The following UNC79 variants were observed in gnomAD, a reference collection of about 807,000 sequenced individuals.
UNC79 encodes the protein unc-79 subunit of NALCN channel complex, also known as protein unc-79 homolog.
Under a neutral mutation model 283.1 loss-of-function variants are expected in UNC79, and 37 were observed. That is an observed-to-expected ratio of 0.13 (90% CI 0.10 to 0.17). The LOEUF (loss-of-function observed/expected upper bound fraction) is 0.17, where lower values mean the gene tolerates loss of function less well. UNC79 is among the 10% of genes least tolerant of loss of function. The pLI is 1.00. For missense variants in UNC79, 2,272 were observed against 3,211.1 expected, an observed-to-expected ratio of 0.71 and a Z score of 7.07; for synonymous variants, 1,107 against 1,200.2, an observed-to-expected ratio of 0.92 and a Z score of 1.61.
intron 1 of UNC79, among the ~76,000 whole-genome samples, chr14:93,415,432 T>C (rs541639553): frequency 5.3e-5 from 8 of 152,366 alleles, no homozygotes; most frequent in African/African-American, 1.9e-4. Flanking sequence ...AGTATTTTAT[T>C]GAGGATTTTT....
chr14:93,365,571 A>G (rs188811769), intron 1 of UNC79, among the ~76,000 whole-genome samples: 32 of 152,308 alleles, frequency 2.1e-4, no homozygotes, highest in Admixed American at 3.9e-4. Context: ...ACAATGGAAC[A>G]TCCTTGACTA....
exon 5 of UNC79, chr14:93,487,710 G>A (rs1325600902): frequency 1.2e-6 from 2 of 1,613,888 alleles, no homozygotes; most frequent in South Asian, 2.2e-5. Context: ...TAACCTCTCT[G>A]CATCATCCAT....
At chr14:93,696,174 T>G (rs2075108419) in intron 47 of UNC79, among the ~76,000 whole-genome samples, 1 of 152,218 alleles carries the variant, frequency 6.6e-6, no homozygotes, top group Non-Finnish European at 1.5e-5. Flanking sequence ...AGTAGTCCAT[T>G]GTATGAATAT....
chr14:93,594,344 A>T (rs1441989100), intron 23 of UNC79, among the ~76,000 whole-genome samples: 1 of 152,026 alleles, frequency 6.6e-6, no homozygotes, highest in African/African-American at 2.4e-5. Flanking sequence ...ATCTCGGCTC[A>T]CTGCAACCTC....
At chr14:93,609,346 A>G (rs2066128874) in intron 26 of UNC79, among the ~76,000 whole-genome samples, 1 of 152,194 alleles carries the variant, frequency 6.6e-6, no homozygotes, top group Non-Finnish European at 1.5e-5. Context: ...GTGAAATAAT[A>G]GGAGATAAGT....
chr14:93,404,511 T>TATATATATATATATATATATAA lies in UNC79; in HGVS notation c.-350-63157_-350-63156insTATATATATATATATATAAATA, dbSNP rs1342806157. Among the ~76,000 whole-genome samples the TATATATATATATATATATATAA allele has an allele frequency of 3.6e-3, 421 of 117,068 alleles. 5 individuals carry two copies. Among genetic ancestry groups the TATATATATATATATATATATAA allele is most frequent in the Middle Eastern group, 0.013 (3 of 232 alleles). 76.8% of individuals were successfully genotyped at this position (117,068 alleles called of 152,430 possible). On this transcript the variant is annotated intron_variant, in intron 1 of 49. Transcript: ENST00000256339. ...TAAAAAAAATATATATATATATATATATAAATATATACATATTATATATTA... is the reference window on the plus strand; with the variant it reads ...TAAAAAAAATATATATATATATATATATATATATATATATATATATAAATAAATATATACATATTATATATTA...
chr14:93,592,417 A>G (rs2064761892), intron 22 of UNC79, among the ~76,000 whole-genome samples: 1 of 151,928 alleles, frequency 6.6e-6, no homozygotes, highest in South Asian at 2.1e-4. Context: ...CTTGTGATCC[A>G]CCTGCCTCAG....
chr14:93,410,334 A>G lies in UNC79; in HGVS notation c.-350-57337A>G, dbSNP rs555669340. On this transcript the variant is annotated intron_variant, in intron 1 of 49. Transcript: ENST00000256339. ...AACTTTAGTTCTGGCAAGTCTTGCC[A>G]CCTAGGGATGGAGTGCTCTGGGACC... Among the ~76,000 whole-genome samples, 5 of 152,324 alleles carry G rather than the reference A, an allele frequency of 3.3e-5. No homozygotes were observed. The South Asian group carries it at 1.0e-3, about 32-fold the overall frequency.
chr14:93,621,905 A>G lies in UNC79; in HGVS notation c.4672A>G (p.Asn1558Asp), dbSNP rs758866401. 3.7e-6 allele frequency: 6 copies of G among 1,614,022 alleles called. No individual in the cohort carries two copies. The highest frequency in any genetic ancestry group is 1.3e-5 in the African/African-American group (1 of 74,906). ...ACAGAACTCTGCTACGAGGCCTGAC[A>G]ATAGTGAAATCCCCGAGAACCCAGC... Residue 1558 changes from asparagine (N) to aspartate (D), a missense_variant, in exon 30 of 49, where the codon AAT becomes GAT. Around this residue, in one of 11 missense-constraint regions of UNC79, gnomAD observed 580 missense variants for 632.2 expected, o/e 0.92. Transcript: ENST00000555664. The surrounding 1 kb of genome is among the most constrained non-coding windows in gnomAD (Gnocchi z 4.8).
chr14:93,347,332 C>CT, intron 1 of UNC79: 1 of 1,601,764 alleles, frequency 6.2e-7, no homozygotes, highest in African/African-American at 1.3e-5. Context: ...CCTGCTCGGC[C>CT]TGCAGCCCGC....
intron 14 of UNC79, among the ~76,000 whole-genome samples, chr14:93,559,469 T>C (rs772913989): frequency 3.9e-5 from 6 of 152,144 alleles, no homozygotes; most frequent in Non-Finnish European, 7.3e-5. Flanking sequence ...TGGGTGCAGG[T>C]GGGCTGAGTC....
Position 93,673,544 on chromosome 14 carries a change from T to C in UNC79, c.6741+89T>C, listed in dbSNP as rs946732550. 6.0e-6 allele frequency: 6 copies of C among 1,002,586 alleles called. No homozygotes were observed. The African/African-American group carries it at 8.2e-5, about 14-fold the overall frequency. 62.1% of individuals were successfully genotyped at this position (1,002,586 alleles called of 1,614,324 possible). A position where few individuals can be genotyped will look rare whatever the true frequency, so the allele number is the denominator to read the frequency against. ...GAGGTGTAGAGTGTATGCATAGAAC[T>C]AAATATCTTTGCTTAGAGATGATAA... On this transcript the variant is annotated intron_variant, in intron 41 of 48. Coordinates refer to ENST00000555664, the Ensembl canonical transcript of UNC79.
intron 23 of UNC79, among the ~76,000 whole-genome samples, chr14:93,595,286 C>T (rs761727409): frequency 6.6e-5 from 10 of 151,982 alleles, no homozygotes; most frequent in Non-Finnish European, 1.5e-4. Flanking sequence ...GATGGGGTTT[C>T]GCCATGTTGG....
intron 1 of UNC79, chr14:93,466,777 C>A: frequency 1.2e-6 from 1 of 866,442 alleles, no homozygotes; most frequent in Non-Finnish European, 1.4e-6. Context: ...GAAGAGGAGA[C>A]CAGAGAGACG....
chr14:93,685,596 T>C (rs1193626933), intron 42 of UNC79, among the ~76,000 whole-genome samples: 3 of 152,192 alleles, frequency 2.0e-5, no homozygotes, highest in African/African-American at 7.2e-5. Flanking sequence ...CGCGCAGATT[T>C]ACATGAATAT....
intron 14 of UNC79, among the ~76,000 whole-genome samples, chr14:93,555,475 C>G (rs1421944085): frequency 6.6e-6 from 1 of 152,136 alleles, no homozygotes; most frequent in African/African-American, 2.4e-5. Flanking sequence ...GTGATCTTGG[C>G]TCACTGCAAC....
At chr14:93,333,835 A>C (rs1231362267) in intron 1 of UNC79, among the ~76,000 whole-genome samples, 1 of 152,208 alleles carries the variant, frequency 6.6e-6, no homozygotes, top group Non-Finnish European at 1.5e-5. Context: ...TGTGGTAGTC[A>C]GGATAGGTGT....
rs1482989121 is a variant in UNC79 at position 93,511,981 on chromosome 14, A to C, written c.899-11997A>C. ...TTCTAATTATCCATTTAAAATTACC[A>C]ACTTCCCTCTAAGTTCTATATTTGC... On this transcript the variant is annotated intron_variant, in intron 7 of 48. Transcript: ENST00000555664. Among the ~76,000 whole-genome samples, 4 of 152,142 alleles carry C rather than the reference A, an allele frequency of 2.6e-5. No homozygotes were observed. The East Asian group carries it at 7.7e-4, about 29-fold the overall frequency.
chr14:93,490,716 AAAG>A (rs1424384079), intron 5 of UNC79, among the ~76,000 whole-genome samples: 1 of 152,178 alleles, frequency 6.6e-6, no homozygotes, highest in Non-Finnish European at 1.5e-5. Context: ...AGGTATTCTC[AAAG>A]AAGATTGAAG....
Sources: allele counts gnomAD v4.1 joint callset (sites outside exome capture counted in the v4.1 genomes callset), GRCh38; gene constraint gnomAD v4.1.1; regional missense constraint gnomAD v4.1.1; non-coding constraint Gnocchi (gnomAD v3.1); transcripts MANE v1.5; gene names NCBI Gene and HGNC (gene_info 2026-07-23, HGNC 2026-07-21).